Variants in PTPRD observed in about 807,000 individuals in gnomAD.
The protein encoded by PTPRD is protein tyrosine phosphatase receptor type D.
In PTPRD, 34 loss-of-function variants were observed where a neutral mutation model predicts 214.5. The ratio of observed to expected loss-of-function variants is 0.16; its 90% CI spans 0.12 to 0.21. The LOEUF (loss-of-function observed/expected upper bound fraction) is 0.21. Among genes scored for constraint, PTPRD ranks in the 10% least tolerant of loss-of-function variants. PTPRD has a pLI of 1.00. For missense variants in PTPRD, 2,545 were observed against 2,398.7 expected (o/e 1.06, Z -1.27); for synonymous variants, 1,128 against 845.7 (o/e 1.33, Z -5.79).
chr9:9,559,729 A>C (rs2082415800), intron 8 of PTPRD, among the ~76,000 whole-genome samples: 1 of 152,196 alleles, frequency 6.6e-6, no homozygotes, highest in South Asian at 2.1e-4. Context: ...GGCTCTCTGG[A>C]CAAGAAGTTC....
At chr9:8,427,673 T>C (rs2094775756) in intron 35 of PTPRD, among the ~76,000 whole-genome samples, 1 of 151,658 alleles carries the variant, frequency 6.6e-6, no homozygotes, top group Admixed American at 6.6e-5. Flanking sequence ...CTTCTTCTTA[T>C]TGTTATGATT....
intron 8 of PTPRD, among the ~76,000 whole-genome samples, chr9:9,460,357 CT>C (rs1455048952): frequency 1.3e-5 from 2 of 151,974 alleles, no homozygotes; most frequent in African/African-American, 4.8e-5. Context: ...AAAAGAGCTT[CT>C]GTTCCGCAAG....
chr9:10,551,530 G>A (rs1373136691), intron 2 of PTPRD, among the ~76,000 whole-genome samples: 2 of 152,052 alleles, frequency 1.3e-5, no homozygotes, highest in Non-Finnish European at 2.9e-5. Flanking sequence ...CTCATGAATG[G>A]GAATTGTGCC....
intron 3 of PTPRD, among the ~76,000 whole-genome samples, chr9:10,128,098 T>C (rs914506943): frequency 1.3e-5 from 2 of 152,138 alleles, no homozygotes; most frequent in African/African-American, 4.8e-5. Flanking sequence ...TCCAGGTTCT[T>C]CCCTTTCTGG....
intron 2 of PTPRD, among the ~76,000 whole-genome samples, chr9:10,435,268 C>T (rs551422213): frequency 5.3e-5 from 8 of 151,834 alleles, no homozygotes; most frequent in Non-Finnish European, 1.0e-4. Flanking sequence ...GCAGGAAATC[C>T]ATATCTTCCA....
At chr9:10,464,118 C>T (rs557982288) in intron 2 of PTPRD, among the ~76,000 whole-genome samples, 1 of 152,076 alleles carries the variant, frequency 6.6e-6, no homozygotes, top group East Asian at 1.9e-4. Context: ...AAAAATGTGG[C>T]CATGTGCAGT....
intron 3 of PTPRD, among the ~76,000 whole-genome samples, chr9:10,303,991 G>T (rs2095962571): frequency 6.6e-6 from 1 of 152,134 alleles, no homozygotes. Flanking sequence ...TATCCCTGAT[G>T]AACATTGATG....
intron 2 of PTPRD, among the ~76,000 whole-genome samples, chr9:10,608,503 G>A (rs1488769620): frequency 1.3e-5 from 2 of 152,016 alleles, no homozygotes; most frequent in African/African-American, 2.4e-5. Context: ...TTTCAAACAA[G>A]ATGGCTGCCC....
intron 11 of PTPRD, among the ~76,000 whole-genome samples, chr9:8,869,948 A>C (rs2098266891): frequency 6.6e-6 from 1 of 152,118 alleles, no homozygotes; most frequent in Non-Finnish European, 1.5e-5. Context: ...GGCTTCCTTC[A>C]GCAGTCAGCT....
chr9:9,733,723 C>T (rs999892780), intron 7 of PTPRD, among the ~76,000 whole-genome samples: 7 of 151,920 alleles, frequency 4.6e-5, no homozygotes, highest in Non-Finnish European at 7.4e-5. Context: ...AGGGTCACTG[C>T]GTCAGATGAG....
chr9:10,605,288 T>C (rs1002268057), intron 2 of PTPRD, among the ~76,000 whole-genome samples: 5 of 151,906 alleles, frequency 3.3e-5, no homozygotes, highest in African/African-American at 9.7e-5. Context: ...GAAAATAACA[T>C]GAGTCTTGAC....
chr9:10,282,631 T>G (rs2095178264), intron 3 of PTPRD, among the ~76,000 whole-genome samples: 1 of 152,192 alleles, frequency 6.6e-6, no homozygotes, highest in African/African-American at 2.4e-5. Context: ...GGCTGTACAT[T>G]AGAATCAACT....
At chr9:9,887,942 G>A (rs1216558081) in intron 5 of PTPRD, among the ~76,000 whole-genome samples, 4 of 152,092 alleles carry the variant, frequency 2.6e-5, no homozygotes, top group African/African-American at 9.7e-5. Flanking sequence ...ACACTCACAT[G>A]AAAAATAACA....
At chr9:9,482,827 G>C (rs564499621) in intron 8 of PTPRD, among the ~76,000 whole-genome samples, 1 of 152,204 alleles carries the variant, frequency 6.6e-6, no homozygotes, top group Middle Eastern at 3.4e-3. Flanking sequence ...TTTACTGAAG[G>C]ATTTAAATAG....
intron 6 of PTPRD, among the ~76,000 whole-genome samples, chr9:9,738,011 C>A (rs1167599451): frequency 6.6e-6 from 1 of 150,862 alleles, no homozygotes; most frequent in Non-Finnish European, 1.5e-5. Context: ...TTAAAAAAAT[C>A]AAACACCGCA....
At chr9:8,930,212 T>C (rs2098942515) in intron 11 of PTPRD, among the ~76,000 whole-genome samples, 1 of 151,690 alleles carries the variant, frequency 6.6e-6, no homozygotes, top group Non-Finnish European at 1.5e-5. Flanking sequence ...CATGTGGTGT[T>C]TGGTTTTTTT....
Position 9,718,324 on chromosome 9 carries a change from A to C in PTPRD, c.-287+16209T>G, listed in dbSNP as rs1057502627. 2.0e-5 allele frequency among the ~76,000 whole-genome samples: 3 copies of C among 152,326 alleles called. No individual in the cohort carries two copies. The East Asian group carries it at 5.8e-4, about 29-fold the overall frequency. ...ATATGAAATTGTATGCATTGAAGTA[A>C]AAAATAAACACTGACGGCTGCAGAA... On this transcript the variant is annotated intron_variant, in intron 7 of 45. Coordinates refer to ENST00000381196, the MANE Select transcript of PTPRD (RefSeq NM_002839.4).
chr9:8,449,608 A>G (rs1456117431), intron 34 of PTPRD, 117 bp downstream of exon 34: 9 of 934,962 alleles, frequency 9.6e-6, no homozygotes, highest in Non-Finnish European at 1.4e-5. Context: ...GTAAAATAAA[A>G]GAGCAGGATG....
At position 10,009,622 on chromosome 9, in the gene PTPRD, C is replaced by A. The variant is rs181247962; in HGVS notation, c.-472+24096G>T. Among the ~76,000 whole-genome samples the A allele has an allele frequency of 3.6e-4, 54 of 151,916 alleles. 1 individual carries two copies. The highest frequency in any genetic ancestry group is 1.3e-3 in the African/African-American group (52 of 41,484). On this transcript the variant is annotated intron_variant, in intron 4 of 45. Transcript: ENST00000381196. ...TAGAGGCAACAGACTGTAAATATTT[C>A]CTGTTGAGATCTTTAAAAGGTGCTA...
Sources: gnomAD v4.1 joint callset for allele counts (sites outside exome capture counted in the v4.1 genomes callset) on GRCh38, gnomAD v4.1.1 for gene constraint, MANE v1.5 for transcripts, NCBI Gene and HGNC (gene_info 2026-07-23, HGNC 2026-07-21) for gene names.